Variants in OPRM1 observed in about 807,000 individuals in gnomAD.
The protein encoded by OPRM1 is opioid receptor mu 1.
A neutral mutation model predicts 31.8 loss-of-function variants in OPRM1; 27 were observed. That is an observed-to-expected ratio of 0.85 (90% CI 0.63 to 1.17). OPRM1 has a LOEUF of 1.17. Among genes scored for constraint, OPRM1 ranks in the 50% most tolerant of loss-of-function variants. The pLI is 0.00. For synonymous variants in OPRM1, 196 were observed against 189.9 expected (o/e 1.03, Z -0.26); for missense variants, 536 against 511.1 (o/e 1.05, Z -0.47).
At chr6:154,014,346 T>C (rs1392660877) in intron 1 of OPRM1, among the ~76,000 whole-genome samples, 1 of 152,112 alleles carries the variant, frequency 6.6e-6, no homozygotes. Flanking sequence ...TTAAGGATTA[T>C]GAGGGATGGA....
At chr6:154,185,388 T>C (rs1801248863) in intron 3 of OPRM1, among the ~76,000 whole-genome samples, 2 of 152,372 alleles carry the variant, frequency 1.3e-5, no homozygotes, top group Admixed American at 6.5e-5. Flanking sequence ...ACAGGTACTT[T>C]GTAATTTTTA....
chr6:154,081,139 C>A (rs1439633071), intron 1 of OPRM1, among the ~76,000 whole-genome samples: 1 of 152,148 alleles, frequency 6.6e-6, no homozygotes, highest in Non-Finnish European at 1.5e-5. Context: ...ATGTAGTCAC[C>A]AAACTGGGAA....
At chr6:154,170,666 G>C (rs1448962836) in intron 3 of OPRM1, among the ~76,000 whole-genome samples, 1 of 152,166 alleles carries the variant, frequency 6.6e-6, no homozygotes, top group Admixed American at 6.5e-5. Flanking sequence ...TCAAAAGTGG[G>C]CTTTTGTCAA....
chr6:154,152,251 AAAGAAAAG>A (rs1242975609), intron 3 of OPRM1, among the ~76,000 whole-genome samples: 1 of 142,472 alleles, frequency 7.0e-6, no homozygotes, highest in East Asian at 1.9e-4. Flanking sequence ...GAAAAAGAAG[AAAGAAAAG>A]AAAGAAAGAA....
chr6:154,098,201 T>C (rs1203570982), intron 3 of OPRM1, among the ~76,000 whole-genome samples: 1 of 152,244 alleles, frequency 6.6e-6, no homozygotes, highest in African/African-American at 2.4e-5. Flanking sequence ...TTTTCACTCT[T>C]CTCAGCATGG....
At chr6:154,019,706 A>G (rs1778233754) in intron 1 of OPRM1, among the ~76,000 whole-genome samples, 2 of 143,868 alleles carry the variant, frequency 1.4e-5, no homozygotes, top group African/African-American at 5.2e-5. Context: ...AGGTTTCTCT[A>G]TGTATTTCCA....
chr6:154,174,725 A>T (rs1277933970), intron 3 of OPRM1, among the ~76,000 whole-genome samples: 1 of 152,190 alleles, frequency 6.6e-6, no homozygotes, highest in Non-Finnish European at 1.5e-5. Flanking sequence ...TAATAATGGG[A>T]GACTTTAACA....
intron 3 of OPRM1, among the ~76,000 whole-genome samples, chr6:154,207,659 T>C (rs1051435064): frequency 1.3e-4 from 20 of 152,204 alleles, no homozygotes; most frequent in African/African-American, 4.8e-4. Context: ...CACCTTGGCC[T>C]GGTGGAAACT....
intron 1 of OPRM1, among the ~76,000 whole-genome samples, chr6:154,075,024 A>T (rs1046582942): frequency 1.3e-5 from 2 of 152,362 alleles, no homozygotes; most frequent in East Asian, 1.9e-4. Flanking sequence ...AAATATTTTT[A>T]AAAATTCTTG....
chr6:154,053,639 C>T (rs970498563), intron 1 of OPRM1, among the ~76,000 whole-genome samples: 3 of 152,134 alleles, frequency 2.0e-5, no homozygotes, highest in Non-Finnish European at 4.4e-5. Context: ...CCTTAAGACT[C>T]ACTGAAATCT....
intron 1 of OPRM1, among the ~76,000 whole-genome samples, chr6:154,089,423 C>T (rs1390283910): frequency 6.6e-6 from 1 of 151,942 alleles, no homozygotes; most frequent in Non-Finnish European, 1.5e-5. Flanking sequence ...CCTGTCCCTA[C>T]AAAAGTTTTT....
At chr6:154,190,965 A>G (rs1272944325) in intron 3 of OPRM1, among the ~76,000 whole-genome samples, 2 of 152,130 alleles carry the variant, frequency 1.3e-5, no homozygotes, top group East Asian at 3.9e-4. Context: ...CTGAGGCAGG[A>G]GAATGGCATG....
intron 3 of OPRM1, among the ~76,000 whole-genome samples, chr6:154,144,513 C>G (rs9397177): frequency 0.78 from 118,838 of 152,044 alleles, 47,246 homozygotes; most frequent in East Asian, 0.95. Context: ...TTGGGAGTCT[C>G]AGGCAGGTGG....
chr6:154,028,673 T>C lies in OPRM1; in HGVS notation c.1-10488T>C, dbSNP rs1778839588. 2.6e-5 allele frequency among the ~76,000 whole-genome samples: 4 copies of C among 152,158 alleles called. No individual in the cohort carries two copies. In the South Asian group the frequency reaches 8.3e-4, roughly 32 times the overall value. The stretch of plus-strand genomic sequence containing the variant: ...GATTCCCCTCTGGCTAGGGCTGGGT[T>C]AAATGCTCCCTCCATGGGCAGGCAT... On this transcript the variant is annotated intron_variant, in intron 1 of 5. Coordinates refer to the OPRM1 transcript ENST00000434900.
intron 3 of OPRM1, among the ~76,000 whole-genome samples, chr6:154,241,234 C>CAAAAA (rs11308882): frequency 1.3e-5 from 1 of 79,208 alleles, no homozygotes; most frequent in African/African-American, 4.8e-5. Context: ...GACTCCATCT[C>CAAAAA]AAAAAAAAAA....
chr6:154,054,730 A>G (rs991469580), intron 1 of OPRM1, among the ~76,000 whole-genome samples: 14 of 152,368 alleles, frequency 9.2e-5, no homozygotes, highest in South Asian at 6.2e-4. Flanking sequence ...AGTGGAGTAG[A>G]CAGAGTAGTA....
chr6:154,173,417 C>A (rs1394226510), intron 3 of OPRM1, among the ~76,000 whole-genome samples: 2 of 151,806 alleles, frequency 1.3e-5, no homozygotes, highest in Non-Finnish European at 2.9e-5. Flanking sequence ...ATGCTAAAAA[C>A]CTTGAAAAAA....
At chr6:154,241,973 T>A (rs1218820947) in intron 3 of OPRM1, among the ~76,000 whole-genome samples, 1 of 152,172 alleles carries the variant, frequency 6.6e-6, no homozygotes, top group East Asian at 1.9e-4. Flanking sequence ...TTGTTTTAAA[T>A]CCCAGTTCTG....
chr6:154,110,433 A>G, intron 3 of OPRM1: 1 of 1,451,386 alleles, frequency 6.9e-7, no homozygotes, highest in Non-Finnish European at 9.5e-7. Context: ...TTTTCCCGTG[A>G]AAGAATATAA....
Sources: allele counts gnomAD v4.1 joint callset (sites outside exome capture counted in the v4.1 genomes callset), GRCh38; gene constraint gnomAD v4.1.1; transcripts MANE v1.5; gene names NCBI Gene and HGNC (gene_info 2026-07-23, HGNC 2026-07-21).